The following ARL15 variants were observed in gnomAD, a reference collection of about 807,000 sequenced individuals.
ARL15 encodes the protein ARF like GTPase 15.
In ARL15, 19 loss-of-function variants were observed where a neutral mutation model predicts 25.2. The observed-to-expected ratio is 0.75, with a 90% CI of 0.53 to 1.10. ARL15 has a LOEUF of 1.10. ARL15 is among the 50% of genes least tolerant of loss of function. ARL15 has a pLI of 0.00. For synonymous variants in ARL15, 94 were observed against 86.8 expected (o/e 1.08, Z -0.46); for missense variants, 220 against 246.0 (o/e 0.89, Z 0.71).
chr5:54,281,393 C>A, intron 1 of ARL15, among the ~76,000 whole-genome samples: 1 of 152,322 alleles, frequency 6.6e-6, no homozygotes, highest in Middle Eastern at 3.4e-3. Context: ...GCCTTAAGTG[C>A]TGGGATTACA....
chr5:54,065,440 C>T (rs913908782), intron 4 of ARL15, among the ~76,000 whole-genome samples: 9 of 152,122 alleles, frequency 5.9e-5, no homozygotes, highest in East Asian at 5.8e-4. Context: ...CTGAGGCGGG[C>T]GGATCACCTC....
At chr5:54,125,581 T>C (rs944489813) in intron 3 of ARL15, among the ~76,000 whole-genome samples, 1 of 152,240 alleles carries the variant, frequency 6.6e-6, no homozygotes, top group Non-Finnish European at 1.5e-5. Context: ...CTGATCAGCA[T>C]GTGCGTTGCT....
intron 4 of ARL15, among the ~76,000 whole-genome samples, chr5:53,906,164 A>T (rs987750869): frequency 2.6e-5 from 4 of 152,192 alleles, no homozygotes; most frequent in Non-Finnish European, 1.5e-5. Context: ...AATCTCCTGC[A>T]GCTGCTGAAA....
At chr5:53,989,860 T>G (rs1208768166) in intron 4 of ARL15, among the ~76,000 whole-genome samples, 3 of 152,048 alleles carry the variant, frequency 2.0e-5, no homozygotes, top group Admixed American at 2.0e-4. Context: ...ATGTAAACAG[T>G]TTTAAGGGCA....
chr5:54,144,428 G>A (rs1561241295), intron 3 of ARL15, among the ~76,000 whole-genome samples: 1 of 152,022 alleles, frequency 6.6e-6, no homozygotes, highest in African/African-American at 2.4e-5. Context: ...TATGTGAGTT[G>A]TATTAATGAC....
chr5:54,044,746 A>G (rs1186205374), intron 4 of ARL15, among the ~76,000 whole-genome samples: 1 of 152,182 alleles, frequency 6.6e-6, no homozygotes, highest in Non-Finnish European at 1.5e-5. Context: ...TGGTCTATAT[A>G]TTGTTTGCAA....
chr5:54,079,924 C>T (rs1023052860), intron 4 of ARL15, among the ~76,000 whole-genome samples: 1 of 150,170 alleles, frequency 6.7e-6, no homozygotes, highest in South Asian at 2.1e-4. Flanking sequence ...GAGCTGAGAT[C>T]ATGCCATTGC....
intron 4 of ARL15, among the ~76,000 whole-genome samples, chr5:53,909,935 GATAA>G (rs1368280749): frequency 6.6e-6 from 1 of 152,182 alleles, no homozygotes; most frequent in Non-Finnish European, 1.5e-5. Flanking sequence ...ATGTGCCGCA[GATAA>G]ATATAGTTGC....
chr5:54,032,676 CT>C (rs1164635894), intron 4 of ARL15, among the ~76,000 whole-genome samples: 1 of 151,938 alleles, frequency 6.6e-6, no homozygotes, highest in East Asian at 1.9e-4. Flanking sequence ...GAAGAGACTA[CT>C]TAAGCATGGG....
intron 4 of ARL15, among the ~76,000 whole-genome samples, chr5:53,910,191 C>T (rs1223958483): frequency 6.6e-6 from 1 of 152,106 alleles, no homozygotes; most frequent in Admixed American, 6.5e-5. Context: ...GCTCTTCAGG[C>T]CCGGACAGGA....
chr5:54,274,287 G>A (rs1757867257), intron 1 of ARL15, among the ~76,000 whole-genome samples: 1 of 152,200 alleles, frequency 6.6e-6, no homozygotes, highest in South Asian at 2.1e-4. Context: ...GCATGTGGCA[G>A]AGAAGTCCTG....
chr5:53,998,903 G>C (rs1246193714), intron 4 of ARL15, among the ~76,000 whole-genome samples: 1 of 152,206 alleles, frequency 6.6e-6, no homozygotes, highest in Non-Finnish European at 1.5e-5. Context: ...TGAGTGGGAG[G>C]AGACAGAATA....
chr5:54,226,027 A>G (rs955667015), intron 1 of ARL15, among the ~76,000 whole-genome samples: 1 of 152,126 alleles, frequency 6.6e-6, no homozygotes, highest in Non-Finnish European at 1.5e-5. Flanking sequence ...ATTTAGCCCA[A>G]TGTGATTGGG....
chr5:53,992,259 C>T (rs1748527172), intron 4 of ARL15, among the ~76,000 whole-genome samples: 1 of 152,176 alleles, frequency 6.6e-6, no homozygotes, highest in South Asian at 2.1e-4. Context: ...TATGAGTTGA[C>T]TGTGGTACCC....
intron 3 of ARL15, among the ~76,000 whole-genome samples, chr5:54,123,223 C>T (rs1404566063): frequency 6.6e-6 from 1 of 151,874 alleles, no homozygotes; most frequent in Non-Finnish European, 1.5e-5. Context: ...GATTCTCCTG[C>T]CTCAGCCTCC....
At chr5:53,994,588 C>T (rs1561180803) in intron 4 of ARL15, among the ~76,000 whole-genome samples, 2 of 152,140 alleles carry the variant, frequency 1.3e-5, no homozygotes, top group East Asian at 1.9e-4. Context: ...TGATAATGTA[C>T]ATTTAACATG....
At chr5:54,221,487 TTTTCC>T (rs1349218789) in intron 1 of ARL15, among the ~76,000 whole-genome samples, 1 of 152,182 alleles carries the variant, frequency 6.6e-6, no homozygotes, top group Non-Finnish European at 1.5e-5. Context: ...GGATTTTTCT[TTTTCC>T]TTTCTTTCCT....
intron 2 of ARL15, among the ~76,000 whole-genome samples, chr5:54,168,758 T>G (rs931731451): frequency 6.6e-6 from 1 of 152,180 alleles, no homozygotes; most frequent in Non-Finnish European, 1.5e-5. Context: ...TACTCAAATG[T>G]AACCTTAACT....
chr5:53,941,493 A>G (rs1368830909), intron 4 of ARL15, among the ~76,000 whole-genome samples: 1 of 152,212 alleles, frequency 6.6e-6, no homozygotes, highest in Admixed American at 6.5e-5. Flanking sequence ...TTTTCTTAAG[A>G]ATCAAAAAAG....
Sources: allele counts gnomAD v4.1 joint callset (sites outside exome capture counted in the v4.1 genomes callset), GRCh38; gene constraint gnomAD v4.1.1; transcripts MANE v1.5; gene names NCBI Gene and HGNC (gene_info 2026-07-23, HGNC 2026-07-21).